The following NOL10 variants were observed in gnomAD, a reference collection of about 807,000 sequenced individuals.
NOL10 encodes H_NH0074G24.1.
A neutral mutation model predicts 103.5 loss-of-function variants in NOL10; 58 were observed. The ratio of observed to expected loss-of-function variants is 0.56; its 90% CI spans 0.45 to 0.70. The LOEUF (loss-of-function observed/expected upper bound fraction) is 0.70. NOL10 is among the 30% of genes least tolerant of loss of function. The probability of loss-of-function intolerance (pLI) is 0.00; values close to 1 mark genes in which losing one functional copy is unlikely to be tolerated. For synonymous variants in NOL10, 287 were observed against 282.5 expected, an observed-to-expected ratio of 1.02 and a Z score of -0.16; for missense variants, 763 against 807.3, an observed-to-expected ratio of 0.95 and a Z score of 0.67.
chr2:10,584,073 T>C (rs1291572405), intron 19 of NOL10, among the ~76,000 whole-genome samples: 3 of 152,204 alleles, frequency 2.0e-5, no homozygotes, highest in Non-Finnish European at 4.4e-5. Flanking sequence ...ACCCTTCGCA[T>C]GGCCTGCCTG....
intron 13 of NOL10, among the ~76,000 whole-genome samples, chr2:10,618,607 G>A (rs191364235): frequency 6.6e-5 from 10 of 151,912 alleles, no homozygotes; most frequent in African/African-American, 1.4e-4. Context: ...TTGTATTTTG[G>A]GTATAAAATG....
At chr2:10,671,832 C>T in intron 5 of NOL10, 142 bp from the exon 6 acceptor site, 2 of 597,850 alleles carry the variant, frequency 3.3e-6, no homozygotes, top group Admixed American at 3.1e-5. Context: ...CATGCACACA[C>T]ACTCCACTGG....
chr2:10,613,978 T>TA (rs34761084), intron 13 of NOL10, among the ~76,000 whole-genome samples: 45,347 of 150,560 alleles, frequency 0.3, 7,518 homozygotes, highest in Non-Finnish European at 0.38. Context: ...TTTTTTTTTT[T>TA]AGAAGGAGTC....
chr2:10,608,660 A>T (rs1368438572), intron 13 of NOL10, among the ~76,000 whole-genome samples: 1 of 152,242 alleles, frequency 6.6e-6, no homozygotes, highest in African/African-American at 2.4e-5. Context: ...AACTTTCTGA[A>T]GAAGGAAAGG....
intron 1 of NOL10, among the ~76,000 whole-genome samples, chr2:10,688,326 T>C (rs114747693): frequency 0.015 from 2,357 of 152,272 alleles, 62 homozygotes; most frequent in African/African-American, 0.052. Context: ...TTGAACTTCC[T>C]ACCTTTCCTA....
At chr2:10,616,899 T>C (rs1351148131) in intron 13 of NOL10, among the ~76,000 whole-genome samples, 1 of 152,056 alleles carries the variant, frequency 6.6e-6, no homozygotes, top group Non-Finnish European at 1.5e-5. Context: ...CATTCACTTA[T>C]TCAACAAAGA....
chr2:10,637,204 A>AG (rs1213479284), intron 13 of NOL10, among the ~76,000 whole-genome samples: 2 of 150,568 alleles, frequency 1.3e-5, no homozygotes, highest in African/African-American at 4.9e-5. Flanking sequence ...AAAAAAAAAA[A>AG]AAAAAAAAAC....
At position 10,587,128 on chromosome 2, in the gene NOL10, T is replaced by TACATATATAC. The variant is rs1558270302; in HGVS notation, c.1844+1905_1844+1914dup. Among the ~76,000 whole-genome samples, 73 of 27,128 alleles carry TACATATATAC rather than the reference T, an allele frequency of 2.7e-3. 13 individuals are homozygous for TACATATATAC. The South Asian group carries it at 0.041, about 15-fold the overall frequency. The allele number at this position is 27,128 out of a possible 152,430, so 17.8% of individuals were successfully genotyped here. A position where few individuals can be genotyped will look rare whatever the true frequency, so the allele number is the denominator to read the frequency against. Reference sequence around the variant, plus strand: ...ATATATACATATATATACATATATATACATATATACACATATATATACATA... The same window carrying TACATATATAC: ...ATATATACATATATATACATATATATACATATATACACATATATACACATATATATACATA... On this transcript the variant is annotated intron_variant, in intron 19 of 20. Coordinates refer to ENST00000381685, the MANE Select transcript of NOL10 (RefSeq NM_024894.4).
intron 1 of NOL10, among the ~76,000 whole-genome samples, chr2:10,685,079 G>C (rs1195670683): frequency 1.3e-5 from 2 of 152,162 alleles, no homozygotes; most frequent in African/African-American, 2.4e-5. Context: ...AAAGCAGAAA[G>C]CCTCAAATAT....
chr2:10,580,815 G>A (rs568068613), intron 19 of NOL10, among the ~76,000 whole-genome samples: 3 of 152,152 alleles, frequency 2.0e-5, no homozygotes, highest in South Asian at 2.1e-4. Flanking sequence ...TGGAAGGGGC[G>A]GTGTGGGGGT....
intron 13 of NOL10, among the ~76,000 whole-genome samples, chr2:10,636,888 C>T (rs756444058): frequency 1.3e-5 from 2 of 152,002 alleles, no homozygotes; most frequent in Non-Finnish European, 2.9e-5. Context: ...ATTGTTTGCA[C>T]CTAAATTTGT....
At chr2:10,663,813 G>T (rs1680379344) in intron 8 of NOL10, among the ~76,000 whole-genome samples, 1 of 151,856 alleles carries the variant, frequency 6.6e-6, no homozygotes. Flanking sequence ...AGCCGGGCAT[G>T]GTGGCGGGCG....
At position 10,597,130 on chromosome 2, in the gene NOL10, C is replaced by T. The variant is rs1278497904; in HGVS notation, c.1422+3723G>A. ...GAATACAGGCGTGAGCCACTGCACT[C>T]GGCCTTAATTGTTAACTAGAATTAA... On this transcript the variant is annotated intron_variant, in intron 17 of 20. Transcript: ENST00000381685. 2.0e-5 allele frequency among the ~76,000 whole-genome samples: 3 copies of T among 152,180 alleles called. No individual in the cohort carries two copies. The East Asian group carries it at 5.8e-4, about 29-fold the overall frequency.
chr2:10,677,635 T>C (rs750467311), intron 3 of NOL10, among the ~76,000 whole-genome samples: 6 of 151,164 alleles, frequency 4.0e-5, no homozygotes, highest in Non-Finnish European at 7.4e-5. Context: ...ATCACGACTG[T>C]GTAATTTTTG....
chr2:10,589,697 C>T lies in NOL10; in HGVS notation c.1477G>A (p.Asp493Asn). 1 of 1,582,590 alleles carries T rather than the reference C, an allele frequency of 6.3e-7. No individual in the cohort carries two copies. Among genetic ancestry groups the T allele is most frequent in the Non-Finnish European group, 8.6e-7 (1 of 1,166,244 alleles). The change falls in exon 18 of 21, where the codon GAC becomes AAC. Residue 493 changes from aspartate (D) to asparagine (N), a missense_variant. Transcript: ENST00000381685. ...TCACTCTCTTCATCTACTTGGAAGTCAGGGTTCTCAAACATAACTTTAAAT... is the reference window on the plus strand; with the variant it reads ...TCACTCTCTTCATCTACTTGGAAGTTAGGGTTCTCAAACATAACTTTAAAT... ...DRFKVMFENP[D>N]FQVDEESEEF...
intron 13 of NOL10, among the ~76,000 whole-genome samples, chr2:10,638,792 CTTTTTTTTTTTTTTTTTTTT>C (rs575658225): frequency 5.7e-5 from 3 of 52,836 alleles, no homozygotes; most frequent in African/African-American, 9.4e-5. Context: ...CGTGCCTGGC[CTTTTTTTTTTTTTTTTTTTT>C]TTTTTTTTGA....
intron 1 of NOL10, among the ~76,000 whole-genome samples, chr2:10,688,783 C>T (rs1572461328): frequency 1.3e-5 from 2 of 152,272 alleles, no homozygotes; most frequent in South Asian, 4.1e-4. Context: ...CTTCTCAATA[C>T]ATGTGGAGAA....
At chr2:10,648,188 C>T (rs892082742) in intron 12 of NOL10, among the ~76,000 whole-genome samples, 2 of 152,160 alleles carry the variant, frequency 1.3e-5, no homozygotes, top group African/African-American at 4.8e-5. Flanking sequence ...ACTGAGCAGC[C>T]TTGGTATAAG....
At chr2:10,656,486 A>G (rs957359165) in intron 11 of NOL10, among the ~76,000 whole-genome samples, 1 of 152,240 alleles carries the variant, frequency 6.6e-6, no homozygotes, top group Non-Finnish European at 1.5e-5. Flanking sequence ...GGCCTCAGGG[A>G]TGTAGAACAC....
Sources: allele counts gnomAD v4.1 joint callset (sites outside exome capture counted in the v4.1 genomes callset), GRCh38; gene constraint gnomAD v4.1.1; transcripts MANE v1.5; gene names NCBI Gene and HGNC (gene_info 2026-07-23, HGNC 2026-07-21).